Variants in KIF17 observed in about 807,000 individuals in gnomAD.
KIF17 encodes kinesin-like protein KIF17.
In KIF17, 80 loss-of-function variants were observed where a neutral mutation model predicts 96.8. The ratio of observed to expected loss-of-function variants is 0.83; its 90% CI spans 0.69 to 1.00. KIF17 has a LOEUF of 1.00. Among genes scored for constraint, KIF17 ranks in the 50% least tolerant of loss-of-function variants. The probability of loss-of-function intolerance (pLI) is 0.00; values close to 1 mark genes in which losing one functional copy is unlikely to be tolerated. For synonymous variants in KIF17, 567 were observed against 587.5 expected, an observed-to-expected ratio of 0.97 and a Z score of 0.51; for missense variants, 1,280 against 1,372.9, an observed-to-expected ratio of 0.93 and a Z score of 1.07.
Position 20,704,804 on chromosome 1 carries a change from G to T in KIF17, c.766C>A (p.Arg256=), listed in dbSNP as rs534767695. 16 of 1,608,310 alleles carry T rather than the reference G, an allele frequency of 9.9e-6. No individual in the cohort carries two copies. The highest frequency in any genetic ancestry group is 2.7e-5 in the African/African-American group (2 of 74,912). The change falls in exon 5 of 15, where the codon CGG becomes AGG. Residue 256 remains arginine, a synonymous_variant. Transcript: ENST00000400463. This position sits in a 1 kb window ranked among gnomAD's most constrained non-coding sequence, Gnocchi z 6.8. ...RQSKTGATGE[R]LKEATKINLS... Reference sequence around the variant, plus strand: ...TTGATCTTGGTGGCCTCCTTGAGCCGCTCGCCCGTGGCCCCGGTCTTGGAC... The same window carrying T: ...TTGATCTTGGTGGCCTCCTTGAGCCTCTCGCCCGTGGCCCCGGTCTTGGAC...
chr1:20,710,954 G>T (rs1049590925), intron 3 of KIF17, among the ~76,000 whole-genome samples: 2 of 152,074 alleles, frequency 1.3e-5, no homozygotes, highest in Non-Finnish European at 2.9e-5. Context: ...GCATCCTGCA[G>T]GAGCTGAAGC....
At chr1:20,694,791 G>T (rs1277426431) in intron 6 of KIF17, among the ~76,000 whole-genome samples, 1 of 152,114 alleles carries the variant, frequency 6.6e-6, no homozygotes, top group Non-Finnish European at 1.5e-5. Flanking sequence ...TCCATGACCA[G>T]GCAGCTCCTC....
chr1:20,668,277 T>G (rs2053569317), intron 13 of KIF17, among the ~76,000 whole-genome samples: 1 of 150,696 alleles, frequency 6.6e-6, no homozygotes, highest in Non-Finnish European at 1.5e-5. Flanking sequence ...ACCACTGCAC[T>G]CCAGCCTGGG....
At chr1:20,661,685 C>A (rs2053438853), downstream of KIF17, 2 of 439,724 alleles carry the variant, frequency 4.5e-6, no homozygotes. Context: ...CTCCCGCCCC[C>A]TAGTCTGGAG....
intron 3 of KIF17, among the ~76,000 whole-genome samples, chr1:20,710,500 G>T (rs1186723023): frequency 6.6e-6 from 1 of 152,206 alleles, no homozygotes; most frequent in Non-Finnish European, 1.5e-5. Context: ...GGCTTTCCAG[G>T]CAGCAAAGTC....
rs1301393257 is a variant in KIF17 at position 20,685,232 on chromosome 1, C to T, written c.2020-212G>A. The T allele has an allele frequency of 1.4e-6, 1 of 692,778 alleles. No individual in the cohort carries two copies. The highest frequency in any genetic ancestry group is 2.6e-6 in the Non-Finnish European group (1 of 378,086). The allele number at this position is 692,778 out of a possible 1,614,324, so 42.9% of individuals were successfully genotyped here. Reference sequence around the variant, plus strand: ...TGACACCCCCACGCTAGGAGGAAGGCTCCCAGCTTCCTCTCTCACCTCCCA... The same window carrying T: ...TGACACCCCCACGCTAGGAGGAAGGTTCCCAGCTTCCTCTCTCACCTCCCA... On this transcript the variant is annotated intron_variant, in intron 9 of 14. Transcript: ENST00000400463. This position sits in a 1 kb window ranked among gnomAD's most constrained non-coding sequence, Gnocchi z 4.1.
chr1:20,701,558 G>C (rs943805971), intron 5 of KIF17, among the ~76,000 whole-genome samples: 1 of 152,206 alleles, frequency 6.6e-6, no homozygotes, highest in African/African-American at 2.4e-5. Context: ...TGCAGAGAGA[G>C]GACAGCAGAG....
intron 4 of KIF17, among the ~76,000 whole-genome samples, chr1:20,705,342 C>A (rs2054322499): frequency 6.6e-6 from 1 of 152,146 alleles, no homozygotes; most frequent in East Asian, 1.9e-4. Flanking sequence ...AGACCCGGTT[C>A]CCAACCCAGT....
intron 1 of KIF17, among the ~76,000 whole-genome samples, chr1:20,716,433 G>A (rs1439619916): frequency 6.6e-6 from 1 of 152,246 alleles, no homozygotes; most frequent in Admixed American, 6.5e-5. Flanking sequence ...GGGCTATGGG[G>A]CGGGGCACAC....
intron 13 of KIF17, among the ~76,000 whole-genome samples, chr1:20,669,723 T>C (rs2053604093): frequency 2.0e-5 from 3 of 147,786 alleles, no homozygotes; most frequent in African/African-American, 7.4e-5. Flanking sequence ...AATACAAAAA[T>C]TAGCTGGGCA....
chr1:20,674,000 C>T (rs2053694045), intron 11 of KIF17, among the ~76,000 whole-genome samples: 2 of 152,054 alleles, frequency 1.3e-5, no homozygotes, highest in African/African-American at 4.8e-5. Context: ...ACCTTCTCAG[C>T]TCACTGTGGC....
At position 20,664,293 on chromosome 1, in the gene KIF17, G is replaced by A; in HGVS notation, c.*291C>T. ...CTTTGAGGCAAAGACCAACACTGGTGGGCATGGGTGTGGGCTCTGTGGCAG... is the reference window on the plus strand; with the variant it reads ...CTTTGAGGCAAAGACCAACACTGGTAGGCATGGGTGTGGGCTCTGTGGCAG... On this transcript the variant is annotated 3_prime_UTR_variant, in exon 15 of 15. Transcript: ENST00000400463. 1 of 1,326,220 alleles carries A rather than the reference G, an allele frequency of 7.5e-7. No homozygotes were observed. Among genetic ancestry groups the A allele is most frequent in the Non-Finnish European group, 9.7e-7 (1 of 1,026,632 alleles). 82.2% of individuals were successfully genotyped at this position (1,326,220 alleles called of 1,614,324 possible). A position where few individuals can be genotyped will look rare whatever the true frequency, so the allele number is the denominator to read the frequency against.
Position 20,717,825 on chromosome 1 carries a change from GGGCGGGGCCGC to G in KIF17, c.-130_-120del. 9.5e-7 allele frequency: 1 copy of G among 1,050,808 alleles called. No homozygotes were observed. The highest frequency in any genetic ancestry group is 1.2e-6 in the Non-Finnish European group (1 of 838,068). 65.1% of individuals were successfully genotyped at this position (1,050,808 alleles called of 1,614,324 possible). ...CACGGGGGGCGGGGCCTTGAGGCAG[GGGCGGGGCCGC>G]GGCGGGGGGCGGGGACCCCTCGGGG... is the stretch of plus-strand genomic sequence containing the variant. On this transcript the variant is annotated 5_prime_UTR_variant, in exon 1 of 15. Transcript: ENST00000400463.
chr1:20,715,237 T>C (rs545065339), intron 2 of KIF17, among the ~76,000 whole-genome samples: 2 of 152,220 alleles, frequency 1.3e-5, no homozygotes, highest in African/African-American at 4.8e-5. Context: ...CCTGGCCCAG[T>C]GCACAGGGTC....
intron 12 of KIF17, among the ~76,000 whole-genome samples, chr1:20,671,194 C>T (rs1477383724): frequency 1.3e-5 from 2 of 152,202 alleles, no homozygotes; most frequent in Non-Finnish European, 2.9e-5. Context: ...GGGTAGAAAA[C>T]CTGTCTTCTC....
In KIF17 at chr1:20,712,807, CTA is replaced by C. The variant is rs1284646178; in HGVS notation, c.480+645_480+646del. Among the ~76,000 whole-genome samples, 23 of 37,652 alleles carry C rather than the reference CTA, an allele frequency of 6.1e-4. 6 individuals are homozygous for C. Among genetic ancestry groups the C allele is most frequent in the African/African-American group, 1.4e-3 (16 of 11,372 alleles). The allele number at this position is 37,652 out of a possible 152,430, so 24.7% of individuals were successfully genotyped here. ...ATATCTATATATAAATAGATAATAT[CTA>C]TATATATAATATAGATATTATCTAT... On this transcript the variant is annotated intron_variant, in intron 3 of 14. Transcript: ENST00000400463.
chr1:20,703,180 T>TGGATGGGC (rs2054271250), intron 5 of KIF17, among the ~76,000 whole-genome samples: 1 of 149,872 alleles, frequency 6.7e-6, no homozygotes, highest in Admixed American at 6.7e-5. Flanking sequence ...GATGGATGAA[T>TGGATGGGC]GGATGGACGG....
chr1:20,713,865 C>A lies in KIF17; in HGVS notation c.379-310G>T, dbSNP rs1270165714. On this transcript the variant is annotated intron_variant, in intron 2 of 14. Coordinates refer to ENST00000400463, the MANE Select transcript of KIF17 (RefSeq NM_001122819.3). ...TCGTTATTCAGGTTAAAAACAAAAA[C>A]AAAAACAAACAAAAAACAAACAAAA... Among the ~76,000 whole-genome samples, 1 of 151,984 alleles carries A rather than the reference C, an allele frequency of 6.6e-6. No homozygotes were observed. The highest frequency in any genetic ancestry group is 2.4e-5 in the African/African-American group (1 of 41,362).
intron 4 of KIF17, among the ~76,000 whole-genome samples, chr1:20,707,318 G>A (rs1234765691): frequency 6.6e-6 from 1 of 152,178 alleles, no homozygotes; most frequent in Admixed American, 6.5e-5. Flanking sequence ...GTCAAGGACC[G>A]GTTGGAAAAT....
Sources: allele counts gnomAD v4.1 joint callset (sites outside exome capture counted in the v4.1 genomes callset), GRCh38; gene constraint gnomAD v4.1.1; non-coding constraint Gnocchi (gnomAD v3.1); transcripts MANE v1.5; gene names NCBI Gene and HGNC (gene_info 2026-07-23, HGNC 2026-07-21).